PUDP: variants seen among roughly 807,000 people sequenced by gnomAD.
The protein encoded by PUDP is pseudouridine-5'-phosphatase.
A neutral mutation model predicts 9.4 loss-of-function variants in PUDP; 8 were observed. That is an observed-to-expected ratio of 0.85 (90% CI 0.50 to 1.53). The LOEUF (loss-of-function observed/expected upper bound fraction) is 1.53, where lower values mean the gene tolerates loss of function less well. Ranked by LOEUF, PUDP falls within the 40% of genes most tolerant of loss-of-function variation. The pLI is 0.00. For synonymous variants in PUDP, 99 were observed against 80.7 expected, an observed-to-expected ratio of 1.23 and a Z score of -1.22; for missense variants, 188 against 189.7, an observed-to-expected ratio of 0.99 and a Z score of 0.05.
chrX:6,992,489 G>A (rs1368813762), intron 1 of PUDP, among the ~76,000 whole-genome samples: 1 of 108,178 alleles, frequency 9.2e-6, no homozygotes, highest in African/African-American at 3.4e-5. Flanking sequence ...AGCCAGGATG[G>A]TCTCCATCTC....
At chrX:6,751,547 G>T (rs1340781487) in intron 3 of PUDP, among the ~76,000 whole-genome samples, 1 of 111,602 alleles carries the variant, frequency 9.0e-6, no homozygotes, top group African/African-American at 3.3e-5. Context: ...GAAAAGAGAA[G>T]AAAAAGAAAT....
At chrX:7,007,239 A>G (rs765625445) in intron 1 of PUDP, among the ~76,000 whole-genome samples, 17 of 111,943 alleles carry the variant, frequency 1.5e-4, no homozygotes, top group Admixed American at 9.5e-4. Context: ...AGCAATCATG[A>G]TAAATGAGGA....
chrX:6,950,184 A>G (rs1928528819), intron 3 of PUDP, among the ~76,000 whole-genome samples: 1 of 106,382 alleles, frequency 9.4e-6, no homozygotes, highest in Admixed American at 1.0e-4. Context: ...CTAAAAATAC[A>G]AAAATTAGCC....
chrX:6,948,847 GA>G (rs1928508344), intron 3 of PUDP, among the ~76,000 whole-genome samples: 1 of 111,776 alleles, frequency 8.9e-6, no homozygotes, highest in Non-Finnish European at 1.9e-5. Flanking sequence ...AGCGTCTGTG[GA>G]GCATAAGGGA....
chrX:6,897,355 C>A, intron 3 of PUDP, among the ~76,000 whole-genome samples: 1 of 111,540 alleles, frequency 9.0e-6, no homozygotes, highest in East Asian at 2.8e-4. Flanking sequence ...GGAGTAGACT[C>A]CAAAATCTCT....
At chrX:6,728,095 C>T (rs747388868) in intron 3 of PUDP, among the ~76,000 whole-genome samples, 2 of 111,066 alleles carry the variant, frequency 1.8e-5, no homozygotes, top group Non-Finnish European at 3.8e-5. Context: ...TGGCAGAAGG[C>T]AAAAGGCATG....
chrX:6,733,297 G>A (rs916499155), intron 3 of PUDP, among the ~76,000 whole-genome samples: 2 of 111,679 alleles, frequency 1.8e-5, no homozygotes, highest in African/African-American at 3.3e-5. Flanking sequence ...GCTTCGTCCC[G>A]GTGAAGACCA....
chrX:6,973,605 G>C (rs1034653786), intron 3 of PUDP, among the ~76,000 whole-genome samples: 1 of 111,735 alleles, frequency 8.9e-6, no homozygotes, highest in African/African-American at 3.3e-5. Flanking sequence ...TTTTGCATTT[G>C]CGAAGTGTTT....
At chrX:6,884,782 G>T (rs1000002216) in intron 3 of PUDP, among the ~76,000 whole-genome samples, 2 of 112,484 alleles carry the variant, frequency 1.8e-5, no homozygotes, top group Non-Finnish European at 3.8e-5. Flanking sequence ...TATCACTGCA[G>T]AAGTTTCTGG....
upstream of PUDP, among the ~76,000 whole-genome samples, chrX:6,722,025 G>C (rs182029275): frequency 9.9e-5 from 11 of 110,940 alleles, no homozygotes; most frequent in East Asian, 2.8e-3. Flanking sequence ...CAGAAATTTG[G>C]TGTACAACGG....
intron 3 of PUDP, among the ~76,000 whole-genome samples, chrX:6,877,374 A>C (rs1343617782): frequency 1.8e-5 from 2 of 112,053 alleles, no homozygotes; most frequent in African/African-American, 6.5e-5. Flanking sequence ...AAGAAATAGA[A>C]AGGCTACAAC....
At chrX:7,117,115 G>A (rs1189589875) in intron 1 of PUDP, 10 of 1,106,459 alleles carry the variant, frequency 9.0e-6, no homozygotes, top group African/African-American at 1.8e-5. Flanking sequence ...ATGCAAGCAC[G>A]GCCTAATACA....
intron 3 of PUDP, among the ~76,000 whole-genome samples, chrX:7,058,782 T>G (rs780843030): frequency 8.9e-6 from 1 of 111,900 alleles, no homozygotes; most frequent in Non-Finnish European, 1.9e-5. Context: ...TTGTTTATAT[T>G]ATTCATCAAT....
intron 1 of PUDP, among the ~76,000 whole-genome samples, chrX:7,112,773 C>T (rs982396811): frequency 9.0e-6 from 1 of 111,348 alleles, no homozygotes; most frequent in Non-Finnish European, 1.9e-5. Context: ...GTGATCCTCC[C>T]GCCTCAGCCT....
intron 3 of PUDP, among the ~76,000 whole-genome samples, chrX:6,963,264 T>C (rs920644892): frequency 2.2e-4 from 25 of 111,819 alleles, no homozygotes; most frequent in African/African-American, 8.1e-4. Flanking sequence ...CTTGGCTTCT[T>C]CCTGGGAGGA....
chrX:7,147,123 T>TA (rs1432666682), intron 1 of PUDP, among the ~76,000 whole-genome samples: 2 of 111,199 alleles, frequency 1.8e-5, no homozygotes, highest in African/African-American at 6.5e-5. Flanking sequence ...TCACATGTGC[T>TA]AAGACTGACT....
chrX:6,946,981 G>GTTTGTTTGTTTTTCTGTTTGTTTTTTTT (rs1363280660), intron 3 of PUDP, among the ~76,000 whole-genome samples: 1 of 92,246 alleles, frequency 1.1e-5, no homozygotes, highest in African/African-American at 4.0e-5. Flanking sequence ...GTTTTTTTTT[G>GTTTGTTTGTTTTTCTGTTTGTTTTTTTT]TTTGTTTTTC....
chrX:6,911,905 G>A (rs188295877), intron 3 of PUDP, among the ~76,000 whole-genome samples: 77 of 111,383 alleles, frequency 6.9e-4, no homozygotes, highest in African/African-American at 2.4e-3. Context: ...TTGTTTGTCC[G>A]GATAAAACTA....
chrX:7,002,764 G>A (rs1929344149), intron 1 of PUDP, among the ~76,000 whole-genome samples: 1 of 110,926 alleles, frequency 9.0e-6, no homozygotes. Flanking sequence ...AAATTAGATG[G>A]AACTCATCAG....
Sources: allele counts gnomAD v4.1 joint callset (sites outside exome capture counted in the v4.1 genomes callset), GRCh38; gene constraint gnomAD v4.1.1; transcripts MANE v1.5; gene names NCBI Gene and HGNC (gene_info 2026-07-23, HGNC 2026-07-21).